Variants in KHDRBS2 observed in about 807,000 individuals in gnomAD.
KHDRBS2 encodes the protein KH domain-containing, RNA-binding, signal transduction-associated protein 2.
In KHDRBS2, 26 loss-of-function variants were observed where a neutral mutation model predicts 44.3. The ratio of observed to expected loss-of-function variants is 0.59; its 90% CI spans 0.43 to 0.81. The LOEUF is 0.81. Ranked by LOEUF, KHDRBS2 falls within the 40% of genes least tolerant of loss-of-function variation. KHDRBS2 has a pLI of 0.00. For synonymous variants in KHDRBS2, 194 were observed against 151.1 expected (o/e 1.28, Z -2.08); for missense variants, 476 against 433.1 (o/e 1.10, Z -0.88).
chr6:62,282,010 C>T (rs760237379), intron 1 of KHDRBS2, among the ~76,000 whole-genome samples: 2 of 152,040 alleles, frequency 1.3e-5, no homozygotes, highest in Non-Finnish European at 2.9e-5. Context: ...AAGGTGATTA[C>T]GTTAATCAAA....
chr6:61,996,852 C>T (rs1777277845), intron 3 of KHDRBS2, among the ~76,000 whole-genome samples: 1 of 142,664 alleles, frequency 7.0e-6, no homozygotes, highest in Admixed American at 7.2e-5. Context: ...GGCATGATCT[C>T]GGCTCACTGC....
chr6:61,579,830 G>T, the KHDRBS2 span, among the ~76,000 whole-genome samples: 3 of 145,000 alleles, frequency 2.1e-5, no homozygotes. Context: ...GGCCGAGGTG[G>T]GTGGATCGCC....
At chr6:61,825,132 G>T (rs1376755374) in intron 6 of KHDRBS2, among the ~76,000 whole-genome samples, 1 of 152,012 alleles carries the variant, frequency 6.6e-6, no homozygotes, top group Non-Finnish European at 1.5e-5. Context: ...TTAGACAAAA[G>T]CATGTAGAAA....
At chr6:61,599,766 G>A in the KHDRBS2 span, among the ~76,000 whole-genome samples, 1 of 152,140 alleles carries the variant, frequency 6.6e-6, no homozygotes, top group South Asian at 2.1e-4. Context: ...GACAGAAGGT[G>A]CTGCTTAATA....
At chr6:61,793,921 G>C (rs9452525) in intron 6 of KHDRBS2, among the ~76,000 whole-genome samples, 4,687 of 152,086 alleles carry the variant, frequency 0.031, 258 homozygotes, top group African/African-American at 0.11. Context: ...ATTATGATAA[G>C]AACAGTTCAG....
intron 1 of KHDRBS2, among the ~76,000 whole-genome samples, chr6:62,236,046 C>T (rs1052013714): frequency 1.3e-5 from 2 of 152,052 alleles, no homozygotes; most frequent in South Asian, 4.1e-4. Flanking sequence ...AAATCAAAAT[C>T]GTTCATGGTC....
At chr6:61,854,183 T>C (rs1795841510) in intron 6 of KHDRBS2, among the ~76,000 whole-genome samples, 1 of 152,174 alleles carries the variant, frequency 6.6e-6, no homozygotes, top group Non-Finnish European at 1.5e-5. Flanking sequence ...GTTTGCTCCA[T>C]GGCAATTTCA....
At chr6:61,945,125 A>ATG (rs1562490690) in intron 4 of KHDRBS2, among the ~76,000 whole-genome samples, 40 of 83,740 alleles carry the variant, frequency 4.8e-4, no homozygotes, top group South Asian at 8.7e-4. Context: ...ATATATATAT[A>ATG]TATATATATA....
intron 6 of KHDRBS2, among the ~76,000 whole-genome samples, chr6:61,827,431 G>C (rs565873163): frequency 1.3e-5 from 2 of 152,294 alleles, no homozygotes; most frequent in Admixed American, 6.5e-5. Context: ...CATGATGCCT[G>C]TTAGGAGGAA....
intron 1 of KHDRBS2, among the ~76,000 whole-genome samples, chr6:62,179,325 T>C (rs1484206640): frequency 1.3e-5 from 2 of 151,724 alleles, no homozygotes; most frequent in Non-Finnish European, 3.0e-5. Context: ...GTTATATGTC[T>C]ATAATTTCTA....
chr6:62,037,787 T>C (rs1490925505), intron 3 of KHDRBS2, among the ~76,000 whole-genome samples: 2 of 152,044 alleles, frequency 1.3e-5, no homozygotes, highest in African/African-American at 4.8e-5. Context: ...TATGCAAGAA[T>C]ACTGGCATAA....
chr6:61,554,724 A>T, the KHDRBS2 span, among the ~76,000 whole-genome samples: 1 of 152,158 alleles, frequency 6.6e-6, no homozygotes, highest in African/African-American at 2.4e-5. Context: ...ATCCGATAGC[A>T]TTTACTTGCC....
At chr6:62,090,860 T>C (rs903708569) in intron 2 of KHDRBS2, among the ~76,000 whole-genome samples, 1 of 152,124 alleles carries the variant, frequency 6.6e-6, no homozygotes, top group African/African-American at 2.4e-5. Context: ...ATTCCTGAGG[T>C]ATATTTAGGT....
intron 6 of KHDRBS2, among the ~76,000 whole-genome samples, chr6:61,804,972 C>A (rs1786901831): frequency 6.6e-6 from 1 of 152,174 alleles, no homozygotes. Flanking sequence ...TCTGAAGCTG[C>A]CTTAAATTTC....
chr6:61,863,823 G>A (rs1048201013), intron 6 of KHDRBS2, among the ~76,000 whole-genome samples: 1 of 152,062 alleles, frequency 6.6e-6, no homozygotes, highest in Admixed American at 6.6e-5. Context: ...CTGAGTTCAG[G>A]TCCTGAATAT....
At chr6:62,005,944 G>C (rs1248333724) in intron 3 of KHDRBS2, among the ~76,000 whole-genome samples, 1 of 151,866 alleles carries the variant, frequency 6.6e-6, no homozygotes, top group Non-Finnish European at 1.5e-5. Flanking sequence ...ATGCAACACA[G>C]AGATACAAGG....
At chr6:61,730,353 T>C (rs1339576794) in intron 7 of KHDRBS2, among the ~76,000 whole-genome samples, 1 of 152,236 alleles carries the variant, frequency 6.6e-6, no homozygotes, top group East Asian at 1.9e-4. Context: ...GAGGCTCTTA[T>C]TTTGTATCCC....
intron 2 of KHDRBS2, among the ~76,000 whole-genome samples, chr6:62,086,821 G>C (rs550176569): frequency 4.6e-5 from 7 of 152,076 alleles, no homozygotes; most frequent in Admixed American, 3.9e-4. Flanking sequence ...CCCACTGTAA[G>C]TTCTAAAGAG....
the KHDRBS2 span, among the ~76,000 whole-genome samples, chr6:61,568,539 C>T: frequency 6.6e-6 from 1 of 152,108 alleles, no homozygotes; most frequent in Admixed American, 6.6e-5. Context: ...ATCACAGATC[C>T]TTTGAATGTT....
Sources: gnomAD v4.1 joint callset for allele counts (sites outside exome capture counted in the v4.1 genomes callset) on GRCh38, gnomAD v4.1.1 for gene constraint, MANE v1.5 for transcripts, NCBI Gene and HGNC (gene_info 2026-07-23, HGNC 2026-07-21) for gene names.